The following LRRC37B variants were observed in gnomAD, a reference collection of about 807,000 sequenced individuals.
The protein encoded by LRRC37B is leucine-rich repeat-containing protein 37B.
A neutral mutation model predicts 98.3 loss-of-function variants in LRRC37B; 28 were observed. The observed-to-expected ratio is 0.28, with a 90% CI of 0.21 to 0.39. The LOEUF (loss-of-function observed/expected upper bound fraction) is 0.39. LRRC37B is among the 10% of genes least tolerant of loss of function. LRRC37B has a pLI of 1.00. For synonymous variants in LRRC37B, 364 were observed against 442.7 expected, an observed-to-expected ratio of 0.82 and a Z score of 2.23; for missense variants, 938 against 1,182.7, an observed-to-expected ratio of 0.79 and a Z score of 3.03.
intron 6 of LRRC37B, 41 bp from the exon 10 acceptor site, chr17:32,035,524 T>G: frequency 1.3e-6 from 2 of 1,572,456 alleles, no homozygotes; most frequent in Non-Finnish European, 1.7e-6. Context: ...CAGAATTTTG[T>G]AATGGGTTCA....
chr17:32,020,393 G>T (rs552023336), upstream of LRRC37B, among the ~76,000 whole-genome samples: 8 of 150,682 alleles, frequency 5.3e-5, no homozygotes, highest in Admixed American at 1.3e-4. Flanking sequence ...GAAGGGTGGC[G>T]CTGTAACTTC....
chr17:32,022,924 A>G, intron 1 of LRRC37B, 99 bp downstream of exon 4: 1 of 1,169,154 alleles, frequency 8.6e-7, no homozygotes. Flanking sequence ...CCCAAGCCAT[A>G]CTGACAAGTG....
At chr17:32,013,410 C>T (rs56137958) in intron 1 of LRRC37B, among the ~76,000 whole-genome samples, 3,122 of 152,126 alleles carry the variant, frequency 0.021, 90 homozygotes, top group African/African-American at 0.068. Flanking sequence ...ACATTTAATA[C>T]GATTGATAAT....
At chr17:32,007,675 C>CCCGCCG (rs1001738091), upstream of LRRC37B, among the ~76,000 whole-genome samples, 1 of 151,074 alleles carries the variant, frequency 6.6e-6, no homozygotes, top group Non-Finnish European at 1.5e-5. The surrounding 1 kb of genome is among the most constrained non-coding windows in gnomAD (Gnocchi z 4.1). Flanking sequence ...GCGCCCCGGC[C>CCCGCCG]CCGCCGCCGC....
chr17:32,011,410 G>T (rs184955923), intron 1 of LRRC37B, among the ~76,000 whole-genome samples: 1 of 152,102 alleles, frequency 6.6e-6, no homozygotes, highest in Admixed American at 6.5e-5. Flanking sequence ...TATTGCCCAG[G>T]CTGGTCTTGA....
chr17:32,040,045 C>A (rs1401793841), intron 7 of LRRC37B: 1 of 152,352 alleles, frequency 6.6e-6, no homozygotes, highest in African/African-American at 2.4e-5. Context: ...GTCACCAAGG[C>A]CATAAAGACA....
In LRRC37B at chr17:32,022,528, T is replaced by C. The variant is rs147310441; in HGVS notation, c.1463T>C (p.Ile488Thr). 37 of 1,613,520 alleles carry C rather than the reference T, an allele frequency of 2.3e-5. No individual in the cohort carries two copies. In the African/African-American group the frequency reaches 3.2e-4, roughly 14 times the overall value. ...ATAACTCCAGAACCCACTACAGAGA[T>C]TGGACATTCCACAGCCCTGGAGAAG... is the stretch of plus-strand genomic sequence containing the variant. Residue 488 changes from isoleucine (I) to threonine (T), a missense_variant, in exon 1 of 12, where the codon ATT (isoleucine) becomes ACT (threonine). Around this residue, in one of 2 missense-constraint regions of LRRC37B, gnomAD observed 610 missense variants for 625.6 expected, o/e 0.98. Coordinates refer to ENST00000327564, the Ensembl canonical transcript of LRRC37B.
At chr17:32,040,344 G>A in intron 7 of LRRC37B, 3 of 381,284 alleles carry the variant, frequency 7.9e-6, no homozygotes, top group Admixed American at 3.8e-5. Context: ...TGGCAAGCAC[G>A]TGGTGGGGCC....
At chr17:32,019,726 G>A (rs1468881271), upstream of LRRC37B, among the ~76,000 whole-genome samples, 2 of 152,142 alleles carry the variant, frequency 1.3e-5, no homozygotes, top group Non-Finnish European at 2.9e-5. Context: ...AACCCACCAA[G>A]GAAACTTCCA....
intron 1 of LRRC37B, among the ~76,000 whole-genome samples, chr17:32,015,404 A>G (rs1910628136): frequency 6.6e-6 from 1 of 152,234 alleles, no homozygotes; most frequent in Non-Finnish European, 1.5e-5. Context: ...AGCAGATTAA[A>G]TAATTAGATT....
chr17:32,034,253 A>G (rs1302593640), intron 5 of LRRC37B, among the ~76,000 whole-genome samples: 3 of 152,058 alleles, frequency 2.0e-5, no homozygotes, highest in Non-Finnish European at 2.9e-5. Context: ...TGTAATCCTA[A>G]CACTTTGGTA....
At chr17:32,031,111 T>C in intron 4 of LRRC37B, among the ~76,000 whole-genome samples, 1 of 151,892 alleles carries the variant, frequency 6.6e-6, no homozygotes, top group Admixed American at 6.6e-5. Context: ...AAAATGTCGA[T>C]GGTACTGAAG....
At chr17:32,022,690 C>T in exon 1 of LRRC37B, 2 of 1,614,030 alleles carry the variant, frequency 1.2e-6, no homozygotes, top group Non-Finnish European at 1.7e-6. Flanking sequence ...CAGAAGGCCT[C>T]CACAAGCACC....
At chr17:32,034,797 C>A in intron 5 of LRRC37B, 113 bp from the exon 9 acceptor site, 3 of 745,524 alleles carry the variant, frequency 4.0e-6, no homozygotes, top group Non-Finnish European at 4.5e-6. Context: ...TATGTAAAAG[C>A]AGAAAATTAT....
intron 8 of LRRC37B, chr17:32,047,339 G>C (rs1175031968): frequency 4.3e-6 from 1 of 230,382 alleles, no homozygotes; most frequent in Non-Finnish European, 8.7e-6. Context: ...AAGAACACGG[G>C]CACACTGAGG....
exon 12 of LRRC37B, chr17:32,053,452 T>C (rs1911813327): frequency 3.1e-6 from 2 of 652,178 alleles, no homozygotes; most frequent in Non-Finnish European, 5.2e-6. Context: ...AAAATGAGAA[T>C]TTTTAACAAT....
intron 5 of LRRC37B, 62 bp from the exon 9 acceptor site, chr17:32,034,848 A>G (rs896156331): frequency 1.6e-5 from 20 of 1,282,924 alleles, no homozygotes; most frequent in Non-Finnish European, 2.2e-5. Flanking sequence ...ATGAATATAG[A>G]CTTTTTATGC....
At chr17:32,007,927 C>A, upstream of LRRC37B, 1 of 611,530 alleles carries the variant, frequency 1.6e-6, no homozygotes, top group Non-Finnish European at 2.3e-6. The surrounding 1 kb of genome is among the most constrained non-coding windows in gnomAD (Gnocchi z 4.1). Context: ...GGAGGGCTGT[C>A]AACAGAGTGG....
intron 1 of LRRC37B, among the ~76,000 whole-genome samples, chr17:32,009,778 GACCACAGGTGCATGCC>G (rs1910487934): frequency 6.6e-6 from 1 of 152,078 alleles, no homozygotes; most frequent in Non-Finnish European, 1.5e-5. Flanking sequence ...AAGTAGTTGG[GACCACAGGTGCATGCC>G]ACCACCATGT....
Sources: allele counts gnomAD v4.1 joint callset (sites outside exome capture counted in the v4.1 genomes callset), GRCh38; gene constraint gnomAD v4.1.1; regional missense constraint gnomAD v4.1.1; non-coding constraint Gnocchi (gnomAD v3.1); transcripts MANE v1.5; gene names NCBI Gene and HGNC (gene_info 2026-07-23, HGNC 2026-07-21).